The following SLC35E1 variants were observed in gnomAD, a reference collection of about 807,000 sequenced individuals.
SLC35E1 encodes solute carrier family 35, member E1.
A neutral mutation model predicts 31.0 loss-of-function variants in SLC35E1; 12 were observed. That is an observed-to-expected ratio of 0.39 (90% CI 0.25 to 0.63). The LOEUF (loss-of-function observed/expected upper bound fraction) is 0.63. Ranked by LOEUF, SLC35E1 falls within the 20% of genes least tolerant of loss-of-function variation. The pLI, the probability that SLC35E1 is intolerant of heterozygous loss-of-function variation, is 0.52. For missense variants in SLC35E1, 429 were observed against 572.2 expected, an observed-to-expected ratio of 0.75 and a Z score of 2.55; for synonymous variants, 257 against 264.1, an observed-to-expected ratio of 0.97 and a Z score of 0.26.
chr19:16,571,469 C>G (rs2085957832), intron 2 of SLC35E1, 43 bp downstream of exon 2: 1 of 1,598,860 alleles, frequency 6.3e-7, no homozygotes, highest in African/African-American at 1.3e-5. Context: ...AGGGAGGAAC[C>G]CCCTGGAGCT....
At chr19:16,571,920 C>T in intron 1 of SLC35E1, 24 bp downstream of exon 1, 1 of 1,532,666 alleles carries the variant, frequency 6.5e-7, no homozygotes, top group Non-Finnish European at 8.8e-7. Context: ...GGCCGCCGCC[C>T]CCGAGGCCGG....
At chr19:16,571,487 G>A (rs745610631) in intron 2 of SLC35E1, 25 bp downstream of exon 2, 146 of 1,612,606 alleles carry the variant, frequency 9.1e-5, no homozygotes, top group Non-Finnish European at 1.2e-5. Context: ...GCTCCCATCT[G>A]CCCAGAGTCC....
At chr19:16,554,314 A>G (rs1026576911) in intron 5 of SLC35E1, among the ~76,000 whole-genome samples, 2 of 151,422 alleles carry the variant, frequency 1.3e-5, no homozygotes, top group East Asian at 3.9e-4. Flanking sequence ...CGGGGCCGGC[A>G]TAAGTCATAG....
intron 5 of SLC35E1, 34 bp from the exon 6 acceptor site, chr19:16,553,943 G>A (rs755418451): frequency 1.3e-5 from 20 of 1,540,042 alleles, no homozygotes; most frequent in Non-Finnish European, 1.8e-5. Flanking sequence ...GACAGGACAT[G>A]CCCGGGGCAT....
At chr19:16,571,670 G>A in intron 1 of SLC35E1, 88 bp from the exon 2 acceptor site, 6 of 1,411,204 alleles carry the variant, frequency 4.3e-6, no homozygotes, top group Non-Finnish European at 5.0e-6. Flanking sequence ...GGAGGGCCTG[G>A]CAGCCCCTCA....
chr19:16,569,004 C>G (rs989755809), intron 2 of SLC35E1, among the ~76,000 whole-genome samples: 2 of 152,034 alleles, frequency 1.3e-5, no homozygotes, highest in African/African-American at 4.8e-5. Flanking sequence ...CTGGACTTCC[C>G]CAGCAGAGAG....
chr19:16,569,190 A>G (rs531841399), intron 2 of SLC35E1, among the ~76,000 whole-genome samples: 3 of 152,026 alleles, frequency 2.0e-5, no homozygotes, highest in African/African-American at 7.2e-5. Context: ...ACGCCCAACT[A>G]ATTTTTGTAT....
intron 2 of SLC35E1, 108 bp downstream of exon 2, chr19:16,571,404 C>A: frequency 8.6e-7 from 1 of 1,157,066 alleles, no homozygotes; most frequent in South Asian, 1.2e-5. Flanking sequence ...CCCTATTTGA[C>A]GGGAAGCCAG....
intron 1 of SLC35E1, 50 bp downstream of exon 1, chr19:16,571,894 C>A: frequency 1.3e-6 from 2 of 1,519,106 alleles, no homozygotes; most frequent in Non-Finnish European, 8.8e-7. Context: ...GCGCCCAAAC[C>A]CGAAGCGGCG....
chr19:16,556,400 C>T (rs577984501), intron 4 of SLC35E1, among the ~76,000 whole-genome samples: 1 of 152,014 alleles, frequency 6.6e-6, no homozygotes, highest in Non-Finnish European at 1.5e-5. Context: ...TCCCAGCTAC[C>T]TGGGAGGCTG....
Position 16,550,178 on chromosome 19 carries a change from A to C in SLC35E1, c.*3501T>G, listed in dbSNP as rs2085837876. The C allele has an allele frequency of 6.6e-6, 1 of 152,250 alleles. No homozygotes were observed. Among genetic ancestry groups the C allele is most frequent in the Non-Finnish European group, 1.5e-5 (1 of 68,048 alleles). 9.4% of individuals were successfully genotyped at this position (152,250 alleles called of 1,614,324 possible). A position where few individuals can be genotyped will look rare whatever the true frequency, so the allele number is the denominator to read the frequency against. The stretch of plus-strand genomic sequence containing the variant: ...GTTCCTAGAATGAATGACTTAAAAT[A>C]AGGTGGTTAAAAATTCTGCAGTGAG... On this transcript the variant is annotated 3_prime_UTR_variant, in exon 6 of 6. Transcript: ENST00000595753.
chr19:16,554,490 A>G (rs936688495), intron 5 of SLC35E1, among the ~76,000 whole-genome samples: 1 of 151,916 alleles, frequency 6.6e-6, no homozygotes, highest in African/African-American at 2.4e-5. Context: ...ACCAGACTGG[A>G]CAAAATAGAG....
intron 4 of SLC35E1, among the ~76,000 whole-genome samples, chr19:16,559,495 CACACAG>C (rs1032612092): frequency 1.4e-5 from 2 of 146,340 alleles, no homozygotes; most frequent in African/African-American, 5.1e-5. Context: ...CACACACACA[CACACAG>C]AGTTAACCAG....
rs531198900 is a variant in SLC35E1, at chr19:16,570,591, T to A, written c.492+921A>T. Among the ~76,000 whole-genome samples the A allele has an allele frequency of 2.2e-4, 33 of 152,344 alleles. No homozygotes were observed. The East Asian group carries it at 6.4e-3, about 29-fold the overall frequency. ...GCCCCAAGCCAGGAAATACCCTGGCTTGGCATCTTGAACAGAATTTGGACT... is the reference window on the plus strand; with the variant it reads ...GCCCCAAGCCAGGAAATACCCTGGCATGGCATCTTGAACAGAATTTGGACT... On this transcript the variant is annotated intron_variant, in intron 2 of 5. Transcript: ENST00000595753.
At chr19:16,569,741 G>A (rs1011354333) in intron 2 of SLC35E1, among the ~76,000 whole-genome samples, 1 of 152,220 alleles carries the variant, frequency 6.6e-6, no homozygotes, top group Non-Finnish European at 1.5e-5. Context: ...GGCTACTCGG[G>A]AGGCTGAGGC....
rs1276073765 is a variant in SLC35E1, at chr19:16,550,249, A to C, written c.*3430T>G. 3 of 152,238 alleles carry C rather than the reference A, an allele frequency of 2.0e-5. No individual in the cohort carries two copies. The highest frequency in any genetic ancestry group is 7.2e-5 in the African/African-American group (3 of 41,456). The allele number at this position is 152,238 out of a possible 1,614,324, so 9.4% of individuals were successfully genotyped here. ...ATGATTCAGAAATGCCTCCTTCTAT[A>C]AAATGAAGGAGCTGGGTTGGAGTCA... On this transcript the variant is annotated 3_prime_UTR_variant, in exon 6 of 6. Coordinates refer to ENST00000595753, the MANE Select transcript of SLC35E1 (RefSeq NM_024881.5).
At chr19:16,567,913 A>C in intron 3 of SLC35E1, 119 bp downstream of exon 3, 1 of 1,360,578 alleles carries the variant, frequency 7.3e-7, no homozygotes, top group Non-Finnish European at 9.8e-7. Context: ...AATGGCAATC[A>C]AGATTTTTCT....
At chr19:16,561,213 C>CAAAAAAAA (rs59176175) in intron 4 of SLC35E1, among the ~76,000 whole-genome samples, 428 of 24,750 alleles carry the variant, frequency 0.017, 2 homozygotes, top group Non-Finnish European at 0.019. Flanking sequence ...GACTCCATCT[C>CAAAAAAAA]AAAAAAAAAA....
chr19:16,567,596 C>G (rs1293626507), intron 3 of SLC35E1, among the ~76,000 whole-genome samples: 1 of 152,206 alleles, frequency 6.6e-6, no homozygotes, highest in Non-Finnish European at 1.5e-5. Flanking sequence ...GAGACTCACT[C>G]TTGCCCAGGT....
Sources: gnomAD v4.1 joint callset for allele counts (sites outside exome capture counted in the v4.1 genomes callset) on GRCh38, gnomAD v4.1.1 for gene constraint, MANE v1.5 for transcripts, NCBI Gene and HGNC (gene_info 2026-07-23, HGNC 2026-07-21) for gene names.